RABGAP1L: variants seen among roughly 807,000 people sequenced by gnomAD.
The protein encoded by RABGAP1L is RAB GTPase activating protein 1 like, also known as rab GTPase-activating protein 1-like.
RABGAP1L carries 63 observed loss-of-function variants against 137.7 expected under a neutral mutation model. The ratio of observed to expected loss-of-function variants is 0.46; its 90% CI spans 0.37 to 0.56. The LOEUF is 0.56. RABGAP1L is among the 20% of genes least tolerant of loss of function. The pLI is 0.00. For synonymous variants in RABGAP1L, 431 were observed against 433.7 expected (o/e 0.99, Z 0.08); for missense variants, 1,095 against 1,244.0 (o/e 0.88, Z 1.80).
intron 21 of RABGAP1L, among the ~76,000 whole-genome samples, chr1:174,972,474 T>C (rs1386673568): frequency 6.6e-6 from 1 of 152,194 alleles, no homozygotes; most frequent in African/African-American, 2.4e-5. Context: ...TAGATTGCAA[T>C]TAGAACTTTC....
intron 11 of RABGAP1L, among the ~76,000 whole-genome samples, chr1:174,326,806 G>A (rs537708972): frequency 6.6e-6 from 1 of 152,252 alleles, no homozygotes; most frequent in African/African-American, 2.4e-5. Context: ...AGCAGAAAGA[G>A]AAAAGCAAAT....
At chr1:174,595,549 C>G (rs1159768208) in intron 13 of RABGAP1L, among the ~76,000 whole-genome samples, 1 of 128,652 alleles carries the variant, frequency 7.8e-6, no homozygotes, top group Admixed American at 8.0e-5. Context: ...GATGTCCTTT[C>G]TGGTTGTTAG....
chr1:174,400,096 C>T (rs568615516), intron 13 of RABGAP1L, among the ~76,000 whole-genome samples: 1 of 152,144 alleles, frequency 6.6e-6, no homozygotes, highest in African/African-American at 2.4e-5. Context: ...ATACAGCCAG[C>T]AGGCTAGGTG....
intron 1 of RABGAP1L, chr1:174,160,082 C>G (rs1410801449): frequency 1.3e-5 from 2 of 152,290 alleles, no homozygotes; most frequent in Non-Finnish European, 2.9e-5. Context: ...TTCTTACCCA[C>G]ACGCAGGCTT....
intron 17 of RABGAP1L, among the ~76,000 whole-genome samples, chr1:174,733,818 C>A (rs1448324338): frequency 6.6e-6 from 1 of 152,166 alleles, no homozygotes; most frequent in Non-Finnish European, 1.5e-5. Flanking sequence ...GAAAAGGAGT[C>A]ACTCTGGAGA....
chr1:174,813,822 C>T (rs1690117717), intron 19 of RABGAP1L, among the ~76,000 whole-genome samples: 1 of 152,178 alleles, frequency 6.6e-6, no homozygotes, highest in Non-Finnish European at 1.5e-5. Context: ...AGGTAGGCTT[C>T]AGCCAACTGA....
intron 19 of RABGAP1L, among the ~76,000 whole-genome samples, chr1:174,857,419 T>G (rs1649498889): frequency 6.6e-6 from 1 of 152,230 alleles, no homozygotes; most frequent in Non-Finnish European, 1.5e-5. Flanking sequence ...TTTTCATTTG[T>G]CTAAGACTTA....
In RABGAP1L at chr1:174,250,505, G is replaced by A; in HGVS notation, c.748G>A (p.Ala250Thr). 3 of 1,613,240 alleles carry A rather than the reference G, an allele frequency of 1.9e-6. No individual in the cohort carries two copies. Among genetic ancestry groups the A allele is most frequent in the South Asian group, 2.2e-5 (2 of 90,980 alleles). The change falls in exon 6 of 26, where the codon GCA (alanine) becomes ACA (threonine). Residue 250 changes from alanine to threonine, a missense_variant. Physicochemically the swap from Ala to Thr is moderately conservative, Grantham distance 58. This residue lies in a region of RABGAP1L where 356 missense variants were observed against 326.3 expected (regional missense o/e 1.09). Coordinates refer to ENST00000681986, the MANE Select transcript of RABGAP1L (RefSeq NM_001366446.1). The part of the protein sequence containing the change: ...VSRILYSFCT[A>T]FKRSSRQVSD... ...CAGAATTTTGTACAGTTTCTGTACA[G>A]CATTCAAACGTTCTTCCAGACAAGT...
At chr1:174,175,706 A>G (rs1430136761) in intron 1 of RABGAP1L, among the ~76,000 whole-genome samples, 6 of 148,422 alleles carry the variant, frequency 4.0e-5, no homozygotes, top group African/African-American at 1.5e-4. Context: ...GCTTACTGCA[A>G]CCTCTGCCTC....
In RABGAP1L at chr1:174,915,547, C is replaced by T. The variant is rs550134802; in HGVS notation, c.2341-41910C>T. ...TCTCAGCTCACTGCAACCTCTGCCTCGCAGGTTCAAGCGATTCTCCTGCCT... is the reference window on the plus strand; with the variant it reads ...TCTCAGCTCACTGCAACCTCTGCCTTGCAGGTTCAAGCGATTCTCCTGCCT... On this transcript the variant is annotated intron_variant, in intron 19 of 25. Coordinates refer to ENST00000681986, the MANE Select transcript of RABGAP1L (RefSeq NM_001366446.1). 4.6e-5 allele frequency among the ~76,000 whole-genome samples: 7 copies of T among 152,292 alleles called. No homozygotes were observed. In the South Asian group the frequency reaches 8.3e-4, roughly 18 times the overall value.
At chr1:174,667,092 G>C (rs1048340813) in intron 14 of RABGAP1L, among the ~76,000 whole-genome samples, 8 of 151,632 alleles carry the variant, frequency 5.3e-5, no homozygotes, top group African/African-American at 1.7e-4. Flanking sequence ...TCAACTCTCT[G>C]TGTTTCCTAA....
chr1:174,956,222 G>T (rs566608550), intron 19 of RABGAP1L, among the ~76,000 whole-genome samples: 22 of 152,222 alleles, frequency 1.4e-4, no homozygotes, highest in Non-Finnish European at 3.1e-4. Context: ...TGTTTTAAAA[G>T]ACAGGGTCTC....
At chr1:174,262,993 G>A (rs1673728620) in intron 7 of RABGAP1L, among the ~76,000 whole-genome samples, 1 of 152,232 alleles carries the variant, frequency 6.6e-6, no homozygotes, top group Admixed American at 6.5e-5. Context: ...TGCTTTTGCT[G>A]ATGTTTGGTT....
chr1:174,941,288 C>T (rs1271115894), intron 19 of RABGAP1L, among the ~76,000 whole-genome samples: 2 of 152,166 alleles, frequency 1.3e-5, no homozygotes, highest in African/African-American at 4.8e-5. Context: ...ACATTTGAAA[C>T]ACTGATAAGG....
intron 5 of RABGAP1L, among the ~76,000 whole-genome samples, chr1:174,244,000 G>A (rs1204183933): frequency 6.6e-6 from 1 of 152,148 alleles, no homozygotes; most frequent in African/African-American, 2.4e-5. Flanking sequence ...TTTACGTTTT[G>A]TATTTTACCT....
intron 4 of RABGAP1L, among the ~76,000 whole-genome samples, chr1:174,238,403 T>C (rs1671418593): frequency 6.6e-6 from 1 of 152,156 alleles, no homozygotes; most frequent in Admixed American, 6.5e-5. Context: ...TGTGGTTTTA[T>C]CTACTTTTGG....
chr1:174,345,510 GGTTAA>G (rs1053970275), intron 11 of RABGAP1L, among the ~76,000 whole-genome samples: 57 of 152,072 alleles, frequency 3.7e-4, no homozygotes, highest in African/African-American at 1.3e-3. Context: ...TCGCTTGTTT[GGTTAA>G]GTTAATTCAT....
chr1:174,777,675 TAAAG>T (rs950032208), intron 18 of RABGAP1L, among the ~76,000 whole-genome samples: 6 of 152,066 alleles, frequency 3.9e-5, no homozygotes, highest in African/African-American at 1.4e-4. Context: ...AAAAAATAAG[TAAAG>T]AAATGCAAGA....
intron 13 of RABGAP1L, among the ~76,000 whole-genome samples, chr1:174,601,966 G>A (rs751256849): frequency 3.9e-5 from 6 of 152,028 alleles, no homozygotes; most frequent in Non-Finnish European, 8.8e-5. Context: ...CGTAAGCCTG[G>A]ACCTTATTGT....
Sources: gnomAD v4.1 joint callset for allele counts (sites outside exome capture counted in the v4.1 genomes callset) on GRCh38, gnomAD v4.1.1 for gene constraint, gnomAD v4.1.1 regional missense constraint, MANE v1.5 for transcripts, NCBI Gene and HGNC (gene_info 2026-07-23, HGNC 2026-07-21) for gene names.